The following SORL1 variants were observed in gnomAD, a reference collection of about 807,000 sequenced individuals.
The protein encoded by SORL1 is sortilin related receptor 1, also known as sortilin-related receptor.
Under a neutral mutation model 273.7 loss-of-function variants are expected in SORL1, and 127 were observed. The ratio of observed to expected loss-of-function variants is 0.46; its 90% CI spans 0.40 to 0.54. The LOEUF (loss-of-function observed/expected upper bound fraction) is 0.54, where lower values mean the gene tolerates loss of function less well. Ranked by LOEUF, SORL1 falls within the 20% of genes least tolerant of loss-of-function variation. The pLI, the probability that SORL1 is intolerant of heterozygous loss-of-function variation, is 0.00. For synonymous variants in SORL1, 1,031 were observed against 1,067.4 expected (o/e 0.97, Z 0.66); for missense variants, 2,494 against 2,846.1 (o/e 0.88, Z 2.81).
chr11:121,595,700 A>G lies in SORL1; in HGVS notation c.4447A>G (p.Thr1483Ala), dbSNP rs143286467. The change falls in exon 32 of 48, where the codon ACG (threonine) becomes GCG (alanine). Residue 1483 changes from threonine (T) to alanine (A), a missense_variant. Around this residue, in one of 3 missense-constraint regions of SORL1, gnomAD observed 1,609 missense variants for 1,816.4 expected, o/e 0.89. Coordinates refer to ENST00000260197, the MANE Select transcript of SORL1 (RefSeq NM_003105.6). This position sits in a 1 kb window ranked among gnomAD's most constrained non-coding sequence, Gnocchi z 5.1. ...TGAGTTCGAATGCCACCAACCGAAG[A>G]CGTGTATTCCCAACTGGAAGCGCTG... is the stretch of plus-strand genomic sequence containing the variant. ...RFEFECHQPKTCIPNWKRCDG... is the reference protein window; with the variant it reads ...RFEFECHQPKACIPNWKRCDG... 2.9e-4 allele frequency: 472 copies of G among 1,614,074 alleles called. 2 individuals are homozygous for G. The East Asian group carries it at 8.2e-3, about 28-fold the overall frequency.
At chr11:121,486,130 G>A (rs1861467731) in intron 3 of SORL1, among the ~76,000 whole-genome samples, 1 of 152,122 alleles carries the variant, frequency 6.6e-6, no homozygotes, top group Non-Finnish European at 1.5e-5. Context: ...AGTGTCCTTG[G>A]GCTTATCCTG....
At chr11:121,566,021 GGAATTGA>G (rs1253698214) in intron 21 of SORL1, among the ~76,000 whole-genome samples, 1 of 152,184 alleles carries the variant, frequency 6.6e-6, no homozygotes, top group African/African-American at 2.4e-5. Flanking sequence ...CTGGCACAAA[GGAATTGA>G]GAAGGGGAGG....
At position 121,589,538 on chromosome 11, in the gene SORL1, C is replaced by T. The variant is rs141551856; in HGVS notation, c.4078+148C>T. The T allele has an allele frequency of 7.6e-5, 74 of 979,128 alleles. No homozygotes were observed. In the East Asian group the frequency reaches 9.5e-4, roughly 13 times the overall value. The allele number at this position is 979,128 out of a possible 1,614,324, so 60.7% of individuals were successfully genotyped here. A position where few individuals can be genotyped will look rare whatever the true frequency, so the allele number is the denominator to read the frequency against. ...TGCTGCCAGTTCCTGAATACTCATACGAGTTGAGTCTTGAAGGGGGCAGCT... is the reference window on the plus strand; with the variant it reads ...TGCTGCCAGTTCCTGAATACTCATATGAGTTGAGTCTTGAAGGGGGCAGCT... On this transcript the variant is annotated intron_variant, in intron 29 of 47. Coordinates refer to ENST00000260197, the MANE Select transcript of SORL1 (RefSeq NM_003105.6).
intron 1 of SORL1, among the ~76,000 whole-genome samples, chr11:121,461,417 C>A (rs1860999103): frequency 6.6e-6 from 1 of 152,140 alleles, no homozygotes; most frequent in Admixed American, 6.5e-5. Context: ...TGTGGGACGT[C>A]CGCCTGTTGC....
chr11:121,498,097 C>T (rs1296671850), intron 6 of SORL1, among the ~76,000 whole-genome samples: 1 of 152,214 alleles, frequency 6.6e-6, no homozygotes, highest in African/African-American at 2.4e-5. Flanking sequence ...GCAAAATGTT[C>T]TGAAAAACCA....
intron 25 of SORL1, among the ~76,000 whole-genome samples, chr11:121,577,767 G>T (rs1396946635): frequency 6.6e-6 from 1 of 152,190 alleles, no homozygotes; most frequent in Non-Finnish European, 1.5e-5. Flanking sequence ...AGCATCAGGG[G>T]GTTCCCCAGA....
chr11:121,483,578 T>G (rs1315780829), intron 3 of SORL1, among the ~76,000 whole-genome samples: 1 of 152,194 alleles, frequency 6.6e-6, no homozygotes, highest in Non-Finnish European at 1.5e-5. Context: ...TCTGGAATAT[T>G]AAGTTACTGC....
chr11:121,452,454 C>T lies in SORL1; in HGVS notation c.123C>T (p.Pro41=). The T allele has an allele frequency of 6.6e-7, 1 of 1,509,992 alleles. No homozygotes were observed. Among genetic ancestry groups the T allele is most frequent in the Non-Finnish European group, 8.8e-7 (1 of 1,130,750 alleles). The allele number at this position is 1,509,992 out of a possible 1,614,324, so 93.5% of individuals were successfully genotyped here. A position where few individuals can be genotyped will look rare whatever the true frequency, so the allele number is the denominator to read the frequency against. Reference sequence around the variant, plus strand: ...AGAGGCTGCACGGCGGCAGCGCGCCCTTGCCCCAGGACCGGGGCTTCCTCG... The same window carrying T: ...AGAGGCTGCACGGCGGCAGCGCGCCTTTGCCCCAGGACCGGGGCTTCCTCG... ...WTQRLHGGSA[P]LPQDRGFLVV... The change falls in exon 1 of 48, where the codon CCC becomes CCT. Residue 41 remains proline (P), a synonymous_variant. Coordinates refer to ENST00000260197, the MANE Select transcript of SORL1 (RefSeq NM_003105.6). The surrounding 1 kb of genome is among the most constrained non-coding windows in gnomAD (Gnocchi z 5.3).
intron 31 of SORL1, among the ~76,000 whole-genome samples, chr11:121,594,307 G>A (rs1488080769): frequency 1.3e-5 from 2 of 152,040 alleles, no homozygotes; most frequent in South Asian, 2.1e-4. Context: ...TTTTCTTGAA[G>A]TTTTTATTAA....
chr11:121,512,186 A>C (rs561280106), intron 6 of SORL1, among the ~76,000 whole-genome samples: 7 of 152,246 alleles, frequency 4.6e-5, no homozygotes, highest in Non-Finnish European at 7.3e-5. Context: ...AAAAATTTGC[A>C]TATATGTTTA....
intron 12 of SORL1, among the ~76,000 whole-genome samples, chr11:121,539,960 C>G (rs1322201376): frequency 1.3e-5 from 2 of 152,062 alleles, no homozygotes; most frequent in Middle Eastern, 3.2e-3. Context: ...ATCCACTGAC[C>G]CACCAGTCTG....
At chr11:121,531,750 G>GT (rs1209671508) in intron 11 of SORL1, among the ~76,000 whole-genome samples, 1 of 152,176 alleles carries the variant, frequency 6.6e-6, no homozygotes, top group African/African-American at 2.4e-5. Context: ...TGCGACTTGC[G>GT]TAAGTTCATA....
intron 3 of SORL1, among the ~76,000 whole-genome samples, chr11:121,484,400 G>A (rs981822013): frequency 2.0e-5 from 3 of 152,156 alleles, no homozygotes; most frequent in African/African-American, 7.2e-5. Context: ...TAGTGAAGAC[G>A]TGGGCCATGC....
At chr11:121,465,014 A>T (rs1861061839) in intron 1 of SORL1, among the ~76,000 whole-genome samples, 1 of 152,242 alleles carries the variant, frequency 6.6e-6, no homozygotes. Flanking sequence ...CCTTAAAAAA[A>T]TTTGAGTATA....
At chr11:121,477,911 A>C (rs1284465428) in intron 2 of SORL1, among the ~76,000 whole-genome samples, 1 of 152,042 alleles carries the variant, frequency 6.6e-6, no homozygotes, top group Non-Finnish European at 1.5e-5. Flanking sequence ...AGGTGCCTGT[A>C]ATCCCAGCTA....
chr11:121,615,575 G>C (rs1405045649), intron 41 of SORL1, among the ~76,000 whole-genome samples: 2 of 152,042 alleles, frequency 1.3e-5, no homozygotes, highest in Non-Finnish European at 2.9e-5. Context: ...TGAAGGGAAG[G>C]ATTGTTTTCT....
chr11:121,618,221 C>T (rs1863666975), intron 41 of SORL1, among the ~76,000 whole-genome samples: 1 of 152,232 alleles, frequency 6.6e-6, no homozygotes, highest in Non-Finnish European at 1.5e-5. Context: ...CAGCAATTCT[C>T]AATCAGAACC....
rs1033442494 is a variant in SORL1, at chr11:121,554,329, A to G, written c.2439+220A>G. 6.6e-5 allele frequency among the ~76,000 whole-genome samples: 10 copies of G among 152,202 alleles called. No individual in the cohort carries two copies. The highest frequency in any genetic ancestry group is 2.4e-4 in the African/African-American group (10 of 41,446). On this transcript the variant is annotated intron_variant, in intron 17 of 47. Transcript: ENST00000260197. This position sits in a 1 kb window ranked among gnomAD's most constrained non-coding sequence, Gnocchi z 4.6. ...GAAGGATAAAGAAAGCCCTAAATCC[A>G]CAGACCTGCTTGAAAGTGAGGTCTT... is the stretch of plus-strand genomic sequence containing the variant.
chr11:121,478,963 C>T lies in SORL1; in HGVS notation c.528+720C>T, dbSNP rs189773668. Among the ~76,000 whole-genome samples, 10 of 145,236 alleles carry T rather than the reference C, an allele frequency of 6.9e-5. No homozygotes were observed. In the East Asian group the frequency reaches 1.5e-3, roughly 21 times the overall value. ...GCGTGTGTGGGTACCTGCGTGCGTG[C>T]GCATGCTTGTGTGCACGTGGGTACC... is the stretch of plus-strand genomic sequence containing the variant. On this transcript the variant is annotated intron_variant, in intron 3 of 47. Coordinates refer to ENST00000260197, the MANE Select transcript of SORL1 (RefSeq NM_003105.6).
Sources: allele counts gnomAD v4.1 joint callset (sites outside exome capture counted in the v4.1 genomes callset), GRCh38; gene constraint gnomAD v4.1.1; regional missense constraint gnomAD v4.1.1; non-coding constraint Gnocchi (gnomAD v3.1); transcripts MANE v1.5; gene names NCBI Gene and HGNC (gene_info 2026-07-23, HGNC 2026-07-21).